Variants in PARD3B observed in about 807,000 individuals in gnomAD.
PARD3B encodes the protein par-3 family cell polarity regulator beta, also known as partitioning defective 3 homolog B.
PARD3B carries 103 observed loss-of-function variants against 130.2 expected under a neutral mutation model. The observed-to-expected ratio is 0.79, with a 90% CI of 0.67 to 0.93. PARD3B has a LOEUF of 0.93. PARD3B is among the 40% of genes least tolerant of loss of function. PARD3B has a pLI of 0.00. For synonymous variants in PARD3B, 583 were observed against 553.2 expected (o/e 1.05, Z -0.76); for missense variants, 1,609 against 1,499.2 (o/e 1.07, Z -1.21).
intron 3 of PARD3B, among the ~76,000 whole-genome samples, chr2:204,981,261 GA>G (rs546204726): frequency 1.3e-5 from 2 of 149,684 alleles, no homozygotes; most frequent in African/African-American, 2.4e-5. Context: ...TATATTCACT[GA>G]AAAAAAAATA....
chr2:204,967,887 T>G lies in PARD3B; in HGVS notation c.394+2564T>G, dbSNP rs1334139920. On this transcript the variant is annotated intron_variant, in intron 3 of 22. Transcript: ENST00000406610. This position sits in a 1 kb window ranked among gnomAD's most constrained non-coding sequence, Gnocchi z 4.4. ...CCTGGCTGTCCTGTCTGGTCCACCCTGAAAGCCTGCTTAGGTGAAGAATGG... is the reference window on the plus strand; with the variant it reads ...CCTGGCTGTCCTGTCTGGTCCACCCGGAAAGCCTGCTTAGGTGAAGAATGG... Among the ~76,000 whole-genome samples, 1 of 152,132 alleles carries G rather than the reference T, an allele frequency of 6.6e-6. No homozygotes were observed. Among genetic ancestry groups the G allele is most frequent in the Non-Finnish European group, 1.5e-5 (1 of 68,020 alleles).
rs557214476 is a variant in PARD3B, at chr2:204,899,945, C to T, written c.223-65207C>T. Among the ~76,000 whole-genome samples, 15 of 152,028 alleles carry T rather than the reference C, an allele frequency of 9.9e-5. No individual in the cohort carries two copies. The East Asian group carries it at 1.7e-3, about 18-fold the overall frequency. The stretch of plus-strand genomic sequence containing the variant: ...TAAAACATGTCTTGCCACTCTCTCC[C>T]GACCTATCAGGTTTCCACTGAGAAG... On this transcript the variant is annotated intron_variant, in intron 2 of 22. Coordinates refer to ENST00000406610, the MANE Select transcript of PARD3B (RefSeq NM_001302769.2).
intron 2 of PARD3B, among the ~76,000 whole-genome samples, chr2:204,869,774 A>G (rs2045563759): frequency 6.6e-6 from 1 of 152,142 alleles, no homozygotes; most frequent in Non-Finnish European, 1.5e-5. Context: ...ATTCAGTCTC[A>G]TCTCTACCCT....
intron 1 of PARD3B, among the ~76,000 whole-genome samples, chr2:204,546,858 T>C (rs2029995773): frequency 6.6e-6 from 1 of 152,230 alleles, no homozygotes; most frequent in Admixed American, 6.5e-5. Flanking sequence ...ACAATTTTTT[T>C]TAAGTGTGCA....
At chr2:205,054,696 A>T (rs2125435762) in intron 4 of PARD3B, among the ~76,000 whole-genome samples, 1 of 151,776 alleles carries the variant, frequency 6.6e-6, no homozygotes, top group East Asian at 2.0e-4. Flanking sequence ...TTTTCATGTC[A>T]AAATAAATTG....
In PARD3B at chr2:205,043,583, C is replaced by T. The variant is rs79499523; in HGVS notation, c.395-3998C>T. On this transcript the variant is annotated intron_variant, in intron 3 of 22. Transcript: ENST00000406610. ...TAATTGTTACTGTTAGATTTATAAGCTTCTTCACTGTAGAGGTTATGTTTC... is the reference window on the plus strand; with the variant it reads ...TAATTGTTACTGTTAGATTTATAAGTTTCTTCACTGTAGAGGTTATGTTTC... Among the ~76,000 whole-genome samples, 1,151 of 152,246 alleles carry T rather than the reference C, an allele frequency of 7.6e-3. 10 individuals are homozygous for T. Among genetic ancestry groups the T allele is most frequent in the African/African-American group, 0.026 (1,093 of 41,558 alleles).
In PARD3B at chr2:204,906,014, A is replaced by G. The variant is rs1259195275; in HGVS notation, c.223-59138A>G. The stretch of plus-strand genomic sequence containing the variant: ...AATCCGGATTTGGAAGGCAAAGGGA[A>G]CAGGACAACAAGGGTAGTTGTAGCC... On this transcript the variant is annotated intron_variant, in intron 2 of 22. Transcript: ENST00000406610. The surrounding 1 kb of genome is among the most constrained non-coding windows in gnomAD (Gnocchi z 4.3). Among the ~76,000 whole-genome samples, 4 of 152,186 alleles carry G rather than the reference A, an allele frequency of 2.6e-5. No homozygotes were observed. The highest frequency in any genetic ancestry group is 4.8e-5 in the African/African-American group (2 of 41,424).
intron 2 of PARD3B, among the ~76,000 whole-genome samples, chr2:204,802,478 A>G (rs539395640): frequency 1.3e-5 from 2 of 152,262 alleles, no homozygotes; most frequent in South Asian, 2.1e-4. Context: ...TGACCCAGCA[A>G]TCTCATTACT....
intron 2 of PARD3B, among the ~76,000 whole-genome samples, chr2:204,898,898 T>G (rs1185806782): frequency 6.6e-6 from 1 of 152,228 alleles, no homozygotes; most frequent in East Asian, 1.9e-4. Flanking sequence ...TTATGGTTTT[T>G]GTCTTGAAAT....
intron 1 of PARD3B, among the ~76,000 whole-genome samples, chr2:204,663,711 A>G (rs2035913387): frequency 6.6e-6 from 1 of 152,136 alleles, no homozygotes; most frequent in Non-Finnish European, 1.5e-5. Flanking sequence ...ATTTACCCGT[A>G]AGTGTTGTAG....
chr2:204,880,657 C>CAAAAAAAAAAAAAAAAAAAAAAAAAAA (rs746023895), intron 2 of PARD3B, among the ~76,000 whole-genome samples: 1 of 55,468 alleles, frequency 1.8e-5, no homozygotes. Flanking sequence ...GACTCCATCT[C>CAAAAAAAAAAAAAAAAAAAAAAAAAAA]AAAAAAAAAA....
chr2:204,741,626 A>T (rs1375828525), intron 2 of PARD3B, among the ~76,000 whole-genome samples: 1 of 152,182 alleles, frequency 6.6e-6, no homozygotes, highest in African/African-American at 2.4e-5. Flanking sequence ...GAAAATCTTG[A>T]AAAGTCCTGG....
chr2:204,998,701 A>G (rs1490714710), intron 3 of PARD3B, among the ~76,000 whole-genome samples: 1 of 151,800 alleles, frequency 6.6e-6, no homozygotes, highest in East Asian at 1.9e-4. Flanking sequence ...TTCGCTTTTC[A>G]TCTATTAATA....
chr2:204,612,042 T>A (rs1048738608), intron 1 of PARD3B, among the ~76,000 whole-genome samples: 1 of 152,198 alleles, frequency 6.6e-6, no homozygotes, highest in African/African-American at 2.4e-5. Context: ...TTTCCTTCAT[T>A]TCTACACAGA....
intron 2 of PARD3B, among the ~76,000 whole-genome samples, chr2:204,877,232 C>G (rs2045880412): frequency 1.3e-5 from 2 of 152,128 alleles, no homozygotes; most frequent in South Asian, 4.2e-4. Flanking sequence ...GAACATCACA[C>G]ACCAGGGCCT....
At chr2:204,786,831 A>C (rs993392895) in intron 2 of PARD3B, among the ~76,000 whole-genome samples, 1 of 151,892 alleles carries the variant, frequency 6.6e-6, no homozygotes, top group African/African-American at 2.4e-5. Context: ...TGGGGATCAA[A>C]TACTGTGAAA....
At chr2:205,524,950 C>T (rs982893589) in intron 21 of PARD3B, among the ~76,000 whole-genome samples, 2 of 152,160 alleles carry the variant, frequency 1.3e-5, no homozygotes, top group Non-Finnish European at 2.9e-5. Flanking sequence ...TCTGGGAGAT[C>T]AGTAGTAAAT....
intron 5 of PARD3B, among the ~76,000 whole-genome samples, chr2:205,109,408 C>G (rs1000708037): frequency 1.3e-5 from 2 of 152,132 alleles, no homozygotes; most frequent in African/African-American, 4.8e-5. Flanking sequence ...AAAACGTGTT[C>G]CTCAATCCTG....
chr2:205,541,350 TTTTTTTTTTTTTTTTG>T, intron 21 of PARD3B, among the ~76,000 whole-genome samples: 1 of 45,536 alleles, frequency 2.2e-5, no homozygotes, highest in Non-Finnish European at 8.4e-5. Flanking sequence ...AAACTTTGTT[TTTTTTTTTTTTTTTTG>T]AGACAGAGTT....
Sources: allele counts gnomAD v4.1 joint callset (sites outside exome capture counted in the v4.1 genomes callset), GRCh38; gene constraint gnomAD v4.1.1; non-coding constraint Gnocchi (gnomAD v3.1); transcripts MANE v1.5; gene names NCBI Gene and HGNC (gene_info 2026-07-23, HGNC 2026-07-21).